Variants in PSG9 observed in about 807,000 individuals in gnomAD.
PSG9 encodes the protein pregnancy specific beta-1-glycoprotein 9.
In PSG9, 49 loss-of-function variants were observed where a neutral mutation model predicts 41.9. That is an observed-to-expected ratio of 1.17 (90% CI 0.93 to 1.48). The LOEUF (loss-of-function observed/expected upper bound fraction) is 1.48. PSG9 is among the 40% of genes most tolerant of loss of function. PSG9 has a pLI of 0.00. For synonymous variants in PSG9, 263 were observed against 196.8 expected, an observed-to-expected ratio of 1.34 and a Z score of -2.82; for missense variants, 641 against 520.3, an observed-to-expected ratio of 1.23 and a Z score of -2.26.
At chr19:43,266,694 G>A (rs1368231568) in intron 2 of PSG9, among the ~76,000 whole-genome samples, 2 of 152,112 alleles carry the variant, frequency 1.3e-5, no homozygotes, top group Non-Finnish European at 2.9e-5. Flanking sequence ...AGGTTTGGAT[G>A]CCTAAGAAGA....
chr19:43,254,335 C>G (rs1437800194), intron 5 of PSG9, among the ~76,000 whole-genome samples: 2 of 146,334 alleles, frequency 1.4e-5, no homozygotes, highest in Non-Finnish European at 3.0e-5. Context: ...GACTATTTGA[C>G]CTCAAGGCTA....
At chr19:43,267,501 G>A (rs1486455769) in intron 2 of PSG9, among the ~76,000 whole-genome samples, 1 of 152,144 alleles carries the variant, frequency 6.6e-6, no homozygotes, top group African/African-American at 2.4e-5. Flanking sequence ...TTTATGAAGA[G>A]GGCATGATGT....
chr19:43,256,141 G>A (rs1258986779), intron 5 of PSG9, among the ~76,000 whole-genome samples: 1 of 146,562 alleles, frequency 6.8e-6, no homozygotes, highest in Non-Finnish European at 1.5e-5. Flanking sequence ...AGGATATTGG[G>A]AAAGCTGGAT....
In PSG9 at chr19:43,267,592, G is replaced by T. The variant is rs537408076; in HGVS notation, c.430+192C>A. ...CTGCAGCGAGTGTCTGCAGGGTCTG[G>T]ATGCGGGAAAGGAATTCTGATCTGT... On this transcript the variant is annotated intron_variant, in intron 2 of 5. Transcript: ENST00000270077. 2.6e-5 allele frequency among the ~76,000 whole-genome samples: 4 copies of T among 152,104 alleles called. No homozygotes were observed. The East Asian group carries it at 7.8e-4, about 30-fold the overall frequency.
Position 43,258,378 on chromosome 19 carries a change from G to A in PSG9, c.1067C>T (p.Thr356Met), listed in dbSNP as rs553811210. The A allele has an allele frequency of 1.0e-5, 16 of 1,592,828 alleles. 2 individuals carry two copies. The Admixed American group carries it at 1.0e-4, about 10-fold the overall frequency. Residue 356 changes from threonine to methionine, a missense_variant, in exon 5 of 6, where the codon ACG becomes ATG. By Grantham distance (81) the Thr-to-Met change is moderately conservative (BLOSUM62 -1). Coordinates refer to ENST00000270077, the MANE Select transcript of PSG9 (RefSeq NM_002784.5). ...SGENLDLSCFTESNPPAEYFW... is the reference protein window; with the variant it reads ...SGENLDLSCFMESNPPAEYFW... The stretch of plus-strand genomic sequence containing the variant: ...ATACTCTGCCGGTGGGTTAGATTCC[G>A]TGAAGCAGGACAAGTCGAGGTTTTC...
Position 43,262,035 on chromosome 19 carries a change from G to A in PSG9, c.534C>T (p.Tyr178=), listed in dbSNP as rs867702367. 1.9e-6 allele frequency: 3 copies of A among 1,614,006 alleles called. No individual in the cohort carries two copies. In the South Asian group the frequency reaches 3.3e-5, roughly 18 times the overall value. The stretch of plus-strand genomic sequence containing the variant: ...GGCTCTGACCATTCATCCACCATAG[G>A]TAGCTTGCGTCCAGAGTCTCAGGAT... The part of the protein sequence containing the change: ...ICDPETLDAS[Y]LWWMNGQSLP... The change falls in exon 3 of 6, where the codon TAC becomes TAT. Residue 178 remains tyrosine, a synonymous_variant. Transcript: ENST00000270077.
At chr19:43,260,901 G>A (rs1186807017) in intron 3 of PSG9, among the ~76,000 whole-genome samples, 1 of 151,750 alleles carries the variant, frequency 6.6e-6, no homozygotes, top group Non-Finnish European at 1.5e-5. Flanking sequence ...TAGTTTTCAG[G>A]GTATAATCAT....
chr19:43,258,349 A>G lies in PSG9; in HGVS notation c.1096T>C (p.Trp366Arg). The change falls in exon 5 of 6, where the codon TGG becomes CGG. Residue 366 changes from tryptophan (W) to arginine (R), a missense_variant. By Grantham distance (101) the Trp-to-Arg change is moderately radical. Coordinates refer to ENST00000270077, the MANE Select transcript of PSG9 (RefSeq NM_002784.5). ...TGCTGAAACTTCCCATTAATTGTCCAAAAATACTCTGCCGGTGGGTTAGAT... is the reference window on the plus strand; with the variant it reads ...TGCTGAAACTTCCCATTAATTGTCCGAAAATACTCTGCCGGTGGGTTAGAT... ...TESNPPAEYF[W>R]TINGKFQQSG... The G allele has an allele frequency of 6.3e-7, 1 of 1,593,044 alleles. No homozygotes were observed. The highest frequency in any genetic ancestry group is 8.5e-7 in the Non-Finnish European group (1 of 1,174,612).
intron 1 of PSG9, among the ~76,000 whole-genome samples, chr19:43,268,484 A>C (rs10422149): frequency 0.012 from 1,784 of 152,184 alleles, 44 homozygotes; most frequent in African/African-American, 0.041. Context: ...GGGCATCCTT[A>C]GACTTCTTTC....
rs1256937797 is a variant in PSG9 at position 43,254,519 on chromosome 19, C to T, written c.1244-873G>A. Among the ~76,000 whole-genome samples the T allele has an allele frequency of 1.4e-5, 2 of 146,146 alleles. 1 individual carries two copies. Among genetic ancestry groups the T allele is most frequent in the African/African-American group, 5.2e-5 (2 of 38,362 alleles). On this transcript the variant is annotated intron_variant, in intron 5 of 5. Coordinates refer to ENST00000270077, the MANE Select transcript of PSG9 (RefSeq NM_002784.5). ...TGAGTCTTGTGCAAGAAATTTATAA[C>T]TGTAAACTCTTACATTAAAAAAGAA...
rs769991330 is a variant in PSG9, at chr19:43,267,929, G to C, written c.285C>G (p.Tyr95Ter). Reference protein sequence around the residue: ...DGKIIIYGPAYSGRETVYSNA... With the variant: ...DGKIIIYGPA Reference sequence around the variant, plus strand: ...TGGAATATACTGTTTCTCTTCCACTGTATGCAGGCCCATATATAATTATTT... The same window carrying C: ...TGGAATATACTGTTTCTCTTCCACTCTATGCAGGCCCATATATAATTATTT... Residue 95 changes from tyrosine (Y) to a stop codon, truncating the protein, a stop_gained, in exon 2 of 6, where the codon TAC (tyrosine) becomes TAG (stop). Coordinates refer to ENST00000270077, the MANE Select transcript of PSG9 (RefSeq NM_002784.5). LOFTEE classifies it high-confidence loss of function. The C allele has an allele frequency of 6.2e-7, 1 of 1,613,730 alleles. No individual in the cohort carries two copies. The highest frequency in any genetic ancestry group is 8.5e-7 in the Non-Finnish European group (1 of 1,179,750).
In PSG9 at chr19:43,258,290, A is replaced by C. The variant is rs774382350; in HGVS notation, c.1155T>G (p.Thr385=). The C allele has an allele frequency of 2.2e-5, 35 of 1,592,654 alleles. 4 individuals are homozygous for C. Among genetic ancestry groups the C allele is most frequent in the Non-Finnish European group, 3.0e-5 (35 of 1,174,474 alleles). The stretch of plus-strand genomic sequence containing the variant: ...AAGCATAGAGCCCGCTATGATTTCT[A>C]GTAATTTGGGGGATAAAGAGCTTTT... ...SGQKLFIPQI[T]RNHSGLYACS... is the part of the protein sequence containing the mutation. The change falls in exon 5 of 6, where the codon ACT becomes ACG. Residue 385 remains threonine (T), a synonymous_variant. Transcript: ENST00000270077.
chr19:43,259,969 G>C (rs1968632249), intron 3 of PSG9: 1 of 147,098 alleles, frequency 6.8e-6, no homozygotes, highest in South Asian at 2.2e-4. Flanking sequence ...GAACTGACTG[G>C]TGGAAAGTGT....
chr19:43,254,020 A>G (rs780714794), intron 5 of PSG9, among the ~76,000 whole-genome samples: 2 of 144,914 alleles, frequency 1.4e-5, no homozygotes, highest in Admixed American at 1.4e-4. Flanking sequence ...AACATACCAG[A>G]CTTGATTCTT....
At chr19:43,266,455 G>T (rs577058901) in intron 2 of PSG9, among the ~76,000 whole-genome samples, 1 of 152,008 alleles carries the variant, frequency 6.6e-6, no homozygotes, top group Non-Finnish European at 1.5e-5. Context: ...CGCTGGGCCT[G>T]TGCTGGTGTA....
At chr19:43,261,096 C>G (rs577543634) in intron 3 of PSG9, among the ~76,000 whole-genome samples, 1,712 of 152,136 alleles carry the variant, frequency 0.011, 20 homozygotes, top group Non-Finnish European at 0.018. Flanking sequence ...TATTCCCTAT[C>G]CAGGGTTTTT....
Position 43,259,398 on chromosome 19 carries a change from G to A in PSG9, c.710-263C>T, listed in dbSNP as rs1968603897. On this transcript the variant is annotated intron_variant, in intron 3 of 5. Coordinates refer to ENST00000270077, the MANE Select transcript of PSG9 (RefSeq NM_002784.5). ...TTGGGTCATGGACAGACACATCAGT[G>A]GGAGTCACAGCCCCTGGTACCCCTC... is the stretch of plus-strand genomic sequence containing the variant. 2 of 595,688 alleles carry A rather than the reference G, an allele frequency of 3.4e-6. 1 individual carries two copies. The highest frequency in any genetic ancestry group is 7.0e-5 in the Admixed American group (2 of 28,444). The allele number at this position is 595,688 out of a possible 1,614,324, so 36.9% of individuals were successfully genotyped here. A position where few individuals can be genotyped will look rare whatever the true frequency, so the allele number is the denominator to read the frequency against.
At position 43,267,807 on chromosome 19, in the gene PSG9, C is replaced by A; in HGVS notation, c.407G>T (p.Arg136Leu). Residue 136 changes from arginine (R) to leucine (L), a missense_variant, in exon 2 of 6, where the codon CGA becomes CTA. By Grantham distance (102) the Arg-to-Leu change is moderately radical. Coordinates refer to ENST00000270077, the MANE Select transcript of PSG9 (RefSeq NM_002784.5). Reference sequence around the variant, plus strand: ...ACAGTATAAGGTGAAGGTGAAATGTCGAATTTCTTCTCTAGTCTCATCACC... The same window carrying A: ...ACAGTATAAGGTGAAGGTGAAATGTAGAATTTCTTCTCTAGTCTCATCACC... ...KRGDETREEI[R>L]HFTFTLYLET... The A allele has an allele frequency of 6.2e-7, 1 of 1,612,916 alleles. No homozygotes were observed. The highest frequency in any genetic ancestry group is 1.3e-5 in the African/African-American group (1 of 74,958).
rs565796476 is a variant in PSG9 at position 43,259,391 on chromosome 19, C to T, written c.710-256G>A. ...AGCAGTGTTGGGTCATGGACAGACA[C>T]ATCAGTGGGAGTCACAGCCCCTGGT... On this transcript the variant is annotated intron_variant, in intron 3 of 5. Coordinates refer to ENST00000270077, the MANE Select transcript of PSG9 (RefSeq NM_002784.5). 241 of 644,598 alleles carry T rather than the reference C, an allele frequency of 3.7e-4. 7 individuals carry two copies. The highest frequency in any genetic ancestry group is 7.9e-4 in the Admixed American group (23 of 29,044). The allele number at this position is 644,598 out of a possible 1,614,324, so 39.9% of individuals were successfully genotyped here. A position where few individuals can be genotyped will look rare whatever the true frequency, so the allele number is the denominator to read the frequency against.
Sources: allele counts gnomAD v4.1 joint callset (sites outside exome capture counted in the v4.1 genomes callset), GRCh38; gene constraint gnomAD v4.1.1; transcripts MANE v1.5; gene names NCBI Gene and HGNC (gene_info 2026-07-23, HGNC 2026-07-21).